Variants in TMEM232 observed in about 807,000 individuals in gnomAD.
The protein encoded by TMEM232 is transmembrane protein 232.
In TMEM232, 80 loss-of-function variants were observed where a neutral mutation model predicts 78.8. The observed-to-expected ratio is 1.01, with a 90% CI of 0.85 to 1.22. The LOEUF is 1.22. Ranked by LOEUF, TMEM232 falls within the 50% of genes most tolerant of loss-of-function variation. The pLI is 0.00. For missense variants in TMEM232, 881 were observed against 742.2 expected, an observed-to-expected ratio of 1.19 and a Z score of -2.17; for synonymous variants, 297 against 254.3, an observed-to-expected ratio of 1.17 and a Z score of -1.60.
At chr5:110,594,908 G>C (rs116185874) in intron 10 of TMEM232, among the ~76,000 whole-genome samples, 1,818 of 152,334 alleles carry the variant, frequency 0.012, 33 homozygotes, top group African/African-American at 0.041. Flanking sequence ...TCTCAGCACA[G>C]TGCTTAAGCT....
At chr5:110,527,269 A>G (rs1174736817) in intron 12 of TMEM232, among the ~76,000 whole-genome samples, 1 of 151,932 alleles carries the variant, frequency 6.6e-6, no homozygotes, top group Non-Finnish European at 1.5e-5. Flanking sequence ...AGACTTTGCA[A>G]ACACAGTAAT....
At chr5:110,657,241 T>C (rs190090898) in intron 2 of TMEM232, among the ~76,000 whole-genome samples, 2 of 152,320 alleles carry the variant, frequency 1.3e-5, no homozygotes, top group Admixed American at 1.3e-4. Flanking sequence ...AGCAATCCCA[T>C]TACTGGATAT....
chr5:110,461,491 G>C (rs1761525055), intron 12 of TMEM232, among the ~76,000 whole-genome samples: 1 of 152,192 alleles, frequency 6.6e-6, no homozygotes, highest in African/African-American at 2.4e-5. Context: ...AGCGGCAAGT[G>C]CTAATGTAGA....
chr5:110,703,951 A>G (rs1221175902), intron 1 of TMEM232, among the ~76,000 whole-genome samples: 1 of 152,044 alleles, frequency 6.6e-6, no homozygotes, highest in Non-Finnish European at 1.5e-5. Context: ...CTTTTGAAAA[A>G]CATCAATTAT....
At chr5:110,435,767 T>C (rs1355773469) in intron 12 of TMEM232, among the ~76,000 whole-genome samples, 1 of 152,020 alleles carries the variant, frequency 6.6e-6, no homozygotes, top group Non-Finnish European at 1.5e-5. Context: ...GTTTCATCCA[T>C]GCTGTTGCAA....
chr5:110,558,110 G>A (rs1775317366), intron 11 of TMEM232, among the ~76,000 whole-genome samples: 1 of 152,130 alleles, frequency 6.6e-6, no homozygotes, highest in South Asian at 2.1e-4. Flanking sequence ...AGGTGGTTGG[G>A]ACCATGCTCA....
intron 2 of TMEM232, among the ~76,000 whole-genome samples, chr5:110,647,742 C>T (rs114938881): frequency 0.019 from 2,886 of 151,996 alleles, 79 homozygotes; most frequent in African/African-American, 0.067. Context: ...TGACATTTCA[C>T]ATTACTTCCT....
chr5:110,411,997 A>G (rs1045808829), intron 2 of TMEM232, among the ~76,000 whole-genome samples: 13 of 152,124 alleles, frequency 8.5e-5, no homozygotes, highest in Non-Finnish European at 1.5e-4. Flanking sequence ...TTAGTTTCAT[A>G]TTTTCAAAAT....
At chr5:110,438,088 G>A (rs1429113636) in intron 12 of TMEM232, among the ~76,000 whole-genome samples, 4 of 152,038 alleles carry the variant, frequency 2.6e-5, no homozygotes, top group Non-Finnish European at 5.9e-5. Flanking sequence ...TAAGGTTTCC[G>A]GCCTCACAGG....
chr5:110,547,935 T>C (rs554615665), intron 11 of TMEM232, among the ~76,000 whole-genome samples: 4 of 148,660 alleles, frequency 2.7e-5, no homozygotes, highest in Non-Finnish European at 5.9e-5. Flanking sequence ...GAGGCGAAGG[T>C]TGCAGTGAGC....
chr5:110,437,093 C>G (rs968151660), intron 12 of TMEM232, among the ~76,000 whole-genome samples: 1 of 151,854 alleles, frequency 6.6e-6, no homozygotes, highest in Non-Finnish European at 1.5e-5. Context: ...CATGAAATAT[C>G]TTTTCATTTT....
chr5:110,427,172 CTACTT>C (rs1463748470), intron 12 of TMEM232, among the ~76,000 whole-genome samples: 1 of 151,884 alleles, frequency 6.6e-6, no homozygotes, highest in Non-Finnish European at 1.5e-5. Flanking sequence ...TATAGGCTCT[CTACTT>C]AGGCAAATCT....
At chr5:110,492,489 T>C (rs1580913220) in intron 12 of TMEM232, among the ~76,000 whole-genome samples, 1 of 152,086 alleles carries the variant, frequency 6.6e-6, no homozygotes, top group African/African-American at 2.4e-5. Flanking sequence ...CTATTCATGA[T>C]AAGACATCAT....
At chr5:110,430,885 A>T (rs1757762641) in intron 12 of TMEM232, among the ~76,000 whole-genome samples, 1 of 151,760 alleles carries the variant, frequency 6.6e-6, no homozygotes, top group South Asian at 2.1e-4. Flanking sequence ...AAGCAACAGG[A>T]TTTGAAAGGC....
rs1182393997 is a variant in TMEM232, at chr5:110,387,481, T to C, written n.918-122A>G. On this transcript the variant is annotated intron_variant and non_coding_transcript_variant, in intron 5 of 8. Transcript: ENST00000507188. ...TTAGTTATGTTTTCTGATTCCCATA[T>C]GCCCATAGACTTCACTGTAGGCTTC... 2.6e-5 allele frequency: 4 copies of C among 152,230 alleles called. No individual in the cohort carries two copies. In the East Asian group the frequency reaches 5.8e-4, roughly 22 times the overall value. 9.4% of individuals were successfully genotyped at this position (152,230 alleles called of 1,614,324 possible). A position where few individuals can be genotyped will look rare whatever the true frequency, so the allele number is the denominator to read the frequency against.
At chr5:110,440,861 A>T (rs1758956949) in intron 12 of TMEM232, among the ~76,000 whole-genome samples, 1 of 152,188 alleles carries the variant, frequency 6.6e-6, no homozygotes, top group Admixed American at 6.6e-5. Context: ...CTCAACAGAC[A>T]AATGCTGAAA....
intron 12 of TMEM232, among the ~76,000 whole-genome samples, chr5:110,520,397 AAAAAG>A (rs1220881326): frequency 6.6e-6 from 1 of 152,154 alleles, no homozygotes; most frequent in African/African-American, 2.4e-5. Context: ...AACACAGAAA[AAAAAG>A]AAAACTTCCA....
At chr5:110,443,736 C>T (rs561833772) in intron 12 of TMEM232, among the ~76,000 whole-genome samples, 14 of 152,296 alleles carry the variant, frequency 9.2e-5, no homozygotes, top group South Asian at 4.2e-4. Flanking sequence ...CAACAGCCTA[C>T]GGCGTACTAC....
At chr5:110,622,001 G>A (rs1195294690) in intron 7 of TMEM232, among the ~76,000 whole-genome samples, 3 of 152,112 alleles carry the variant, frequency 2.0e-5, no homozygotes. Flanking sequence ...TGAAGCATGG[G>A]CTCTATTTTG....
Sources: gnomAD v4.1 joint callset for allele counts (sites outside exome capture counted in the v4.1 genomes callset) on GRCh38, gnomAD v4.1.1 for gene constraint, MANE v1.5 for transcripts, NCBI Gene and HGNC (gene_info 2026-07-23, HGNC 2026-07-21) for gene names.